The following C6orf62 variants were observed in gnomAD, a reference collection of about 807,000 sequenced individuals.
C6orf62 encodes the protein chromosome 6 open reading frame 62, also known as uncharacterized protein C6orf62.
In C6orf62, 16 loss-of-function variants were observed where a neutral mutation model predicts 26.8. That is an observed-to-expected ratio of 0.60 (90% CI 0.40 to 0.91). The LOEUF is 0.91. Ranked by LOEUF, C6orf62 falls within the 40% of genes least tolerant of loss-of-function variation. The pLI is 0.00. For missense variants in C6orf62, 192 were observed against 271.4 expected (o/e 0.71, Z 2.06); for synonymous variants, 112 against 91.5 (o/e 1.22, Z -1.28).
Position 24,718,885 on chromosome 6 carries a change from T to C in C6orf62, c.-217A>G, listed in dbSNP as rs1779293261. 7.3e-7 allele frequency: 1 copy of C among 1,360,760 alleles called. No individual in the cohort carries two copies. The highest frequency in any genetic ancestry group is 1.5e-5 in the African/African-American group (1 of 67,050). 84.3% of individuals were successfully genotyped at this position (1,360,760 alleles called of 1,614,324 possible). ...AGAAACAAAAGCTGCTGTCCAGTCA[T>C]GTTTGGACAATAACGTTTGGGGTCA... On this transcript the variant is annotated 5_prime_UTR_variant, in exon 1 of 5. The change abolishes an upstream ATG in the 5' untranslated region. Coordinates refer to ENST00000378119, the MANE Select transcript of C6orf62 (RefSeq NM_030939.5).
chr6:24,707,140 ATATG>A (rs1452918690), intron 4 of C6orf62: 1 of 152,230 alleles, frequency 6.6e-6, no homozygotes, highest in African/African-American at 2.4e-5. Context: ...AAACCTATAC[ATATG>A]TAATATACTT....
intron 4 of C6orf62, chr6:24,707,196 AATT>A (rs1255852423): frequency 6.6e-6 from 1 of 152,194 alleles, no homozygotes; most frequent in African/African-American, 2.4e-5. Context: ...CCTTACGTTA[AATT>A]TAACAACCTT....
Position 24,705,517 on chromosome 6 carries a change from A to T in C6orf62, c.*620T>A, listed in dbSNP as rs1778991236. The T allele has an allele frequency of 6.5e-6, 1 of 152,676 alleles. No individual in the cohort carries two copies. 9.5% of individuals were successfully genotyped at this position (152,676 alleles called of 1,614,324 possible). The stretch of plus-strand genomic sequence containing the variant: ...CTTGGGGAAAGAGATCTGGAAAAAA[A>T]AAATACATGAGTACCAGGAAACAAA... On this transcript the variant is annotated 3_prime_UTR_variant, in exon 5 of 5. Transcript: ENST00000378119.
At chr6:24,716,873 G>A (rs2127636141) in intron 1 of C6orf62, among the ~76,000 whole-genome samples, 1 of 152,020 alleles carries the variant, frequency 6.6e-6, no homozygotes, top group African/African-American at 2.4e-5. Flanking sequence ...ACAGGCCTGC[G>A]CCACCACACC....
upstream of C6orf62, chr6:24,720,493 G>A (rs1028355988): frequency 3.1e-6 from 2 of 640,904 alleles, no homozygotes; most frequent in Admixed American, 5.6e-5. Flanking sequence ...GGAGACAGCG[G>A]CAACAGGGAG....
chr6:24,708,756 G>T, intron 4 of C6orf62, 21 bp downstream of exon 4: 1 of 1,614,052 alleles, frequency 6.2e-7, no homozygotes, highest in Middle Eastern at 1.6e-4. Context: ...CCTGTAAGTG[G>T]TTTTCAAAAA....
At chr6:24,708,939 A>T (rs747588056) in intron 3 of C6orf62, 28 bp from the exon 4 acceptor site, 1 of 1,613,450 alleles carries the variant, frequency 6.2e-7, no homozygotes, top group South Asian at 1.1e-5. Flanking sequence ...CATTTATATT[A>T]AACTACAAAC....
At chr6:24,709,414 G>GAAA in intron 3 of C6orf62, 5 of 826,110 alleles carry the variant, frequency 6.1e-6, no homozygotes, top group Non-Finnish European at 7.3e-6. Context: ...CTGTTTCTAA[G>GAAA]AAAAAAAAAA....
chr6:24,714,242 T>C, intron 3 of C6orf62, 76 bp downstream of exon 3: 1 of 1,147,834 alleles, frequency 8.7e-7, no homozygotes, highest in South Asian at 1.9e-5. Flanking sequence ...TCCCAAAGAA[T>C]TTCTCAAGTT....
chr6:24,707,767 G>A (rs923743000), intron 4 of C6orf62, among the ~76,000 whole-genome samples: 1 of 151,958 alleles, frequency 6.6e-6, no homozygotes, highest in African/African-American at 2.4e-5. Context: ...ACTTTGGTAG[G>A]CCAAGGCAGG....
At chr6:24,720,030 C>G (rs1304054013), upstream of C6orf62, 1 of 1,490,518 alleles carries the variant, frequency 6.7e-7, no homozygotes, top group Non-Finnish European at 8.9e-7. Context: ...CACCCTCCCC[C>G]CAAAAAATTA....
Position 24,710,001 on chromosome 6 carries a change from G to GT in C6orf62, c.430-1091dup, listed in dbSNP as rs1252509828. The GT allele has an allele frequency of 2.5e-5, 25 of 984,520 alleles. No homozygotes were observed. The African/African-American group carries it at 4.0e-4, about 16-fold the overall frequency. The allele number at this position is 984,520 out of a possible 1,614,324, so 61.0% of individuals were successfully genotyped here. On this transcript the variant is annotated intron_variant, in intron 3 of 4. Transcript: ENST00000378119. ...TACCTAGGAGCTTTTCTTATAAACC[G>GT]TAACATAAAATATGATACAGCATCA...
Position 24,706,273 on chromosome 6 carries a change from A to C in C6orf62, c.565-11T>G, listed in dbSNP as rs1779008110. The C allele has an allele frequency of 6.2e-7, 1 of 1,613,470 alleles. No individual in the cohort carries two copies. Among genetic ancestry groups the C allele is most frequent in the Non-Finnish European group, 8.5e-7 (1 of 1,179,782 alleles). On this transcript the variant is annotated splice_polypyrimidine_tract_variant and intron_variant, in intron 4 of 4. Transcript: ENST00000378119. ...TTTGTTTTTTGGAGTCTGGAAGGGG[A>C]AAACATTTTAATATTTTTTAAAAAT...
At chr6:24,714,211 T>A in intron 3 of C6orf62, 107 bp downstream of exon 3, 1 of 863,656 alleles carries the variant, frequency 1.2e-6, no homozygotes, top group Admixed American at 2.9e-5. Context: ...ACTCGTGAAA[T>A]AAAACTATCA....
At chr6:24,710,342 T>C (rs370068304) in intron 3 of C6orf62, 1 of 644,044 alleles carries the variant, frequency 1.6e-6, no homozygotes, top group Non-Finnish European at 1.9e-6. Flanking sequence ...CTCGGCTCAC[T>C]GCAACCTCCG....
upstream of C6orf62, chr6:24,719,607 T>A: frequency 7.1e-7 from 1 of 1,403,200 alleles, no homozygotes; most frequent in Non-Finnish European, 9.2e-7. Context: ...TCCGGCTCTG[T>A]GGTTAGACCT....
rs565995493 is a variant in C6orf62 at position 24,718,778 on chromosome 6, T to C, written c.-110A>G. On this transcript the variant is annotated 5_prime_UTR_variant, in exon 1 of 5. Transcript: ENST00000378119. ...CAAGTCATTTTTTTTCCTGCTAATA[T>C]GATTGATTAGCGAAAATCACGACTA... 5 of 1,566,426 alleles carry C rather than the reference T, an allele frequency of 3.2e-6. No homozygotes were observed. The highest frequency in any genetic ancestry group is 1.2e-5 in the South Asian group (1 of 83,046).
At position 24,718,935 on chromosome 6, in the gene C6orf62, GGAAA is replaced by G. The variant is rs1779294704; in HGVS notation, c.-271_-268del. 1.9e-5 allele frequency: 23 copies of G among 1,238,200 alleles called. No homozygotes were observed. Among genetic ancestry groups the G allele is most frequent in the East Asian group, 4.5e-5 (1 of 22,320 alleles). The allele number at this position is 1,238,200 out of a possible 1,614,324, so 76.7% of individuals were successfully genotyped here. On this transcript the variant is annotated 5_prime_UTR_variant, in exon 1 of 5. Coordinates refer to ENST00000378119, the MANE Select transcript of C6orf62 (RefSeq NM_030939.5). ...AGACGGGAAAAAGGGAGGAAAGAAAGGAAAGAAAGAGGAGAAAATAACTAACTTT... is the reference window on the plus strand; with the variant it reads ...AGACGGGAAAAAGGGAGGAAAGAAAGGAAAGAGGAGAAAATAACTAACTTT...
At position 24,704,936 on chromosome 6, in the gene C6orf62, T is replaced by C; in HGVS notation, c.*1201A>G. On this transcript the variant is annotated 3_prime_UTR_variant, in exon 5 of 5. Transcript: ENST00000378119. ...TTTTCTTTTTCTTTTTTTCTTTTTTTTTCAAATTCCAACCAGAAGCTAAAT... is the reference window on the plus strand; with the variant it reads ...TTTTCTTTTTCTTTTTTTCTTTTTTCTTCAAATTCCAACCAGAAGCTAAAT... The C allele has an allele frequency of 6.6e-6, 1 of 152,450 alleles. No homozygotes were observed. Among genetic ancestry groups the C allele is most frequent in the Non-Finnish European group, 1.5e-5 (1 of 67,986 alleles). The allele number at this position is 152,450 out of a possible 1,614,324, so 9.4% of individuals were successfully genotyped here.
Sources: allele counts gnomAD v4.1 joint callset (sites outside exome capture counted in the v4.1 genomes callset), GRCh38; gene constraint gnomAD v4.1.1; transcripts MANE v1.5; gene names NCBI Gene and HGNC (gene_info 2026-07-23, HGNC 2026-07-21).